Variants in BCKDHB observed in about 807,000 individuals in gnomAD.
BCKDHB encodes branched chain keto acid dehydrogenase E1 subunit beta.
A neutral mutation model predicts 48.5 loss-of-function variants in BCKDHB; 41 were observed. The observed-to-expected ratio is 0.85, with a 90% CI of 0.66 to 1.10. The LOEUF is 1.10. Among genes scored for constraint, BCKDHB ranks in the 50% least tolerant of loss-of-function variants. The pLI is 0.00. For missense variants in BCKDHB, 496 were observed against 494.2 expected, an observed-to-expected ratio of 1.00 and a Z score of -0.03; for synonymous variants, 201 against 174.8, an observed-to-expected ratio of 1.15 and a Z score of -1.18.
rs527525675 is a variant in BCKDHB, at chr6:80,332,182, T to C, written c.1039-11482T>C. ...TGTACAACTAGCTTTACACCTCTCA[T>C]GAGAGCCCACAGCTCTTTAATAAAC... On this transcript the variant is annotated intron_variant, in intron 9 of 9. Transcript: ENST00000320393. 2.0e-5 allele frequency among the ~76,000 whole-genome samples: 3 copies of C among 152,228 alleles called. No individual in the cohort carries two copies. In the South Asian group the frequency reaches 6.2e-4, roughly 32 times the overall value.
the BCKDHB span, among the ~76,000 whole-genome samples, chr6:80,408,119 T>A: frequency 6.6e-6 from 1 of 152,126 alleles, no homozygotes; most frequent in South Asian, 2.1e-4. Flanking sequence ...AATCATGTGG[T>A]TTTTGTGGTT....
At chr6:80,412,275 C>G in the BCKDHB span, among the ~76,000 whole-genome samples, 3,312 of 151,530 alleles carry the variant, frequency 0.022, 131 homozygotes, top group African/African-American at 0.074. Flanking sequence ...TCTTGAGTAG[C>G]TGGGACTACA....
the BCKDHB span, among the ~76,000 whole-genome samples, chr6:80,373,559 C>T: frequency 6.6e-6 from 1 of 152,000 alleles, no homozygotes; most frequent in South Asian, 2.1e-4. Flanking sequence ...TTTTTGTGCT[C>T]TTTCAGACTT....
the BCKDHB span, among the ~76,000 whole-genome samples, chr6:80,396,136 G>T: frequency 6.6e-6 from 1 of 152,162 alleles, no homozygotes; most frequent in Non-Finnish European, 1.5e-5. Flanking sequence ...TCCCCACTGG[G>T]GTATTGACTA....
the BCKDHB span, among the ~76,000 whole-genome samples, chr6:80,392,336 A>C: frequency 2.2e-4 from 34 of 152,106 alleles, no homozygotes; most frequent in Middle Eastern, 0.017. Flanking sequence ...TCTTCAGCTC[A>C]GAATATTTTG....
chr6:80,399,609 G>A, the BCKDHB span, among the ~76,000 whole-genome samples: 1 of 151,842 alleles, frequency 6.6e-6, no homozygotes, highest in Non-Finnish European at 1.5e-5. Flanking sequence ...ACACAACAAA[G>A]TATAAAACAT....
intron 8 of BCKDHB, among the ~76,000 whole-genome samples, chr6:80,209,179 T>G (rs1423272209): frequency 2.6e-5 from 4 of 152,040 alleles, no homozygotes; most frequent in Admixed American, 2.6e-4. Flanking sequence ...TGGTGAAGAT[T>G]AGTTGCAAAA....
the BCKDHB span, among the ~76,000 whole-genome samples, chr6:80,392,364 T>A: frequency 6.7e-6 from 1 of 148,474 alleles, no homozygotes; most frequent in Admixed American, 6.7e-5. Flanking sequence ...AGGGCTGTAT[T>A]TTTTTTTTAT....
chr6:80,414,324 G>A, the BCKDHB span, among the ~76,000 whole-genome samples: 1 of 151,834 alleles, frequency 6.6e-6, no homozygotes, highest in African/African-American at 2.4e-5. Context: ...GTCAATTTTG[G>A]CTTTTTTTGC....
At chr6:80,422,362 A>T in the BCKDHB span, among the ~76,000 whole-genome samples, 1 of 152,320 alleles carries the variant, frequency 6.6e-6, no homozygotes, top group East Asian at 1.9e-4. Context: ...AGTCTGTTGC[A>T]GGAGTGGGGC....
At chr6:80,233,369 T>A (rs1776013554) in intron 8 of BCKDHB, among the ~76,000 whole-genome samples, 2 of 152,224 alleles carry the variant, frequency 1.3e-5, no homozygotes, top group Admixed American at 1.3e-4. Context: ...ACAAAATGAA[T>A]GCTGTAAATA....
chr6:80,245,058 G>A (rs1776552918), intron 8 of BCKDHB, among the ~76,000 whole-genome samples: 1 of 149,576 alleles, frequency 6.7e-6, no homozygotes, highest in Non-Finnish European at 1.5e-5. Context: ...ATAAAACAGA[G>A]ATATAATAGT....
rs569093235 is a variant in BCKDHB, at chr6:80,193,066, C to T, written c.743-7868C>T. On this transcript the variant is annotated intron_variant, in intron 6 of 9. Transcript: ENST00000320393. ...GAACTCCTGACCCCAAGGTGATCTG[C>T]CCATCTCGGTCTCCAAAAGTGCTGG... Among the ~76,000 whole-genome samples the T allele has an allele frequency of 1.1e-4, 16 of 152,148 alleles. No individual in the cohort carries two copies. In the South Asian group the frequency reaches 3.3e-3, roughly 32 times the overall value.
At chr6:80,242,966 A>G (rs896130886) in intron 8 of BCKDHB, among the ~76,000 whole-genome samples, 1 of 152,156 alleles carries the variant, frequency 6.6e-6, no homozygotes, top group African/African-American at 2.4e-5. Context: ...CAGGCAGAGA[A>G]GGTTGACATC....
chr6:80,466,185 G>A, the BCKDHB span, among the ~76,000 whole-genome samples: 1 of 152,088 alleles, frequency 6.6e-6, no homozygotes, highest in East Asian at 1.9e-4. Flanking sequence ...GTTCCAGGAG[G>A]AAGTCATGTA....
chr6:80,144,341 CAA>C (rs1236719472), intron 3 of BCKDHB, among the ~76,000 whole-genome samples: 8 of 152,148 alleles, frequency 5.3e-5, no homozygotes, highest in Non-Finnish European at 1.5e-5. Flanking sequence ...AAAGATTCTG[CAA>C]AGTTTCTGTC....
At chr6:80,226,624 A>C (rs926654614) in intron 8 of BCKDHB, among the ~76,000 whole-genome samples, 3 of 152,216 alleles carry the variant, frequency 2.0e-5, no homozygotes, top group African/African-American at 7.2e-5. Flanking sequence ...TTGTGTCTCT[A>C]AATTCACTCA....
intron 6 of BCKDHB, among the ~76,000 whole-genome samples, chr6:80,194,619 T>A (rs1289493012): frequency 6.6e-6 from 1 of 152,206 alleles, no homozygotes; most frequent in African/African-American, 2.4e-5. Flanking sequence ...TGATGTTTCC[T>A]CATGATTAAA....
At chr6:80,309,784 G>A (rs1395078638) in intron 9 of BCKDHB, among the ~76,000 whole-genome samples, 1 of 152,140 alleles carries the variant, frequency 6.6e-6, no homozygotes, top group Admixed American at 6.5e-5. Context: ...GGGATTTGGT[G>A]TACAGATTAT....
Sources: gnomAD v4.1 joint callset for allele counts (sites outside exome capture counted in the v4.1 genomes callset) on GRCh38, gnomAD v4.1.1 for gene constraint, MANE v1.5 for transcripts, NCBI Gene and HGNC (gene_info 2026-07-23, HGNC 2026-07-21) for gene names.